Variants in AGO2 observed in about 807,000 individuals in gnomAD.
AGO2 encodes the protein protein argonaute-2.
Under a neutral mutation model 102.3 loss-of-function variants are expected in AGO2, and 5 were observed. The observed-to-expected ratio is 0.05, with a 90% CI of 0.03 to 0.10. The LOEUF is 0.10. AGO2 is among the 10% of genes least tolerant of loss of function. The pLI, the probability that AGO2 is intolerant of heterozygous loss-of-function variation, is 1.00. For synonymous variants in AGO2, 449 were observed against 473.1 expected (o/e 0.95, Z 0.66); for missense variants, 541 against 1,183.7 (o/e 0.46, Z 7.97).
intron 2 of AGO2, among the ~76,000 whole-genome samples, chr8:140,574,813 C>CA (rs1374894938): frequency 2.0e-5 from 3 of 152,128 alleles, no homozygotes; most frequent in Admixed American, 6.6e-5. Context: ...GAGTCACTGA[C>CA]AGACTTCTGA....
Position 140,589,127 on chromosome 8 carries a change from G to A in AGO2, c.23-3816C>T, listed in dbSNP as rs911329915. 6.6e-6 allele frequency among the ~76,000 whole-genome samples: 1 copy of A among 152,186 alleles called. No individual in the cohort carries two copies. The highest frequency in any genetic ancestry group is 2.4e-5 in the African/African-American group (1 of 41,444). On this transcript the variant is annotated intron_variant, in intron 1 of 18. Coordinates refer to ENST00000220592, the MANE Select transcript of AGO2 (RefSeq NM_012154.5). This position sits in a 1 kb window ranked among gnomAD's most constrained non-coding sequence, Gnocchi z 4.2. Reference sequence around the variant, plus strand: ...CTCCTTTCGGAGTTGGCTCCTCCCCGACTTTTCAGGGAGGGATGTGGAGCA... The same window carrying A: ...CTCCTTTCGGAGTTGGCTCCTCCCCAACTTTTCAGGGAGGGATGTGGAGCA...
chr8:140,589,087 G>A lies in AGO2; in HGVS notation c.23-3776C>T, dbSNP rs2073708022. Among the ~76,000 whole-genome samples the A allele has an allele frequency of 6.6e-6, 1 of 152,226 alleles. No individual in the cohort carries two copies. Among genetic ancestry groups the A allele is most frequent in the Non-Finnish European group, 1.5e-5 (1 of 68,036 alleles). ...AGGCGAGCCTCCTGCAGGAGCAGGCGGTCCCCTGAAGAAACTCCTTTCGGA... is the reference window on the plus strand; with the variant it reads ...AGGCGAGCCTCCTGCAGGAGCAGGCAGTCCCCTGAAGAAACTCCTTTCGGA... On this transcript the variant is annotated intron_variant, in intron 1 of 18. Coordinates refer to ENST00000220592, the MANE Select transcript of AGO2 (RefSeq NM_012154.5). This position sits in a 1 kb window ranked among gnomAD's most constrained non-coding sequence, Gnocchi z 4.2.
intron 1 of AGO2, among the ~76,000 whole-genome samples, chr8:140,633,699 G>A (rs1205845315): frequency 6.6e-6 from 1 of 152,164 alleles, no homozygotes; most frequent in African/African-American, 2.4e-5. Context: ...TGGGTTATAG[G>A]GCTTGAAAGG....
chr8:140,532,991 CCT>C (rs2072625688), intron 17 of AGO2, among the ~76,000 whole-genome samples: 2 of 139,420 alleles, frequency 1.4e-5, no homozygotes, highest in Admixed American at 7.3e-5. Context: ...GAGAGAGACT[CCT>C]CTGTCTCAAA....
At chr8:140,631,456 C>T (rs999201029) in intron 1 of AGO2, among the ~76,000 whole-genome samples, 6 of 151,786 alleles carry the variant, frequency 4.0e-5, no homozygotes, top group Admixed American at 2.0e-4. Context: ...ATCGCTTGAA[C>T]CCGGGAGGAG....
chr8:140,541,606 A>G, intron 14 of AGO2: 1 of 420,110 alleles, frequency 2.4e-6, no homozygotes, highest in Non-Finnish European at 4.2e-6. Context: ...AAAACAAAAC[A>G]AAACAAAACA....
intron 1 of AGO2, among the ~76,000 whole-genome samples, chr8:140,628,264 A>G (rs2074299409): frequency 6.6e-6 from 1 of 152,228 alleles, no homozygotes. Context: ...TGGGGCTGCC[A>G]GATGCACTGC....
chr8:140,576,235 AC>A (rs1477007589), intron 2 of AGO2, among the ~76,000 whole-genome samples: 2 of 152,106 alleles, frequency 1.3e-5, no homozygotes, highest in African/African-American at 4.8e-5. Context: ...AATCGTTTGA[AC>A]CCAGGAGGCA....
At chr8:140,552,740 G>GTGCGCACACACA (rs1691488663) in intron 10 of AGO2, among the ~76,000 whole-genome samples, 2 of 130,886 alleles carry the variant, frequency 1.5e-5, no homozygotes, top group African/African-American at 6.1e-5. Context: ...GCGCGCGCGC[G>GTGCGCACACACA]CACACACACA....
intron 2 of AGO2, among the ~76,000 whole-genome samples, chr8:140,576,593 T>C (rs1231625468): frequency 1.3e-5 from 2 of 152,084 alleles, no homozygotes; most frequent in Non-Finnish European, 2.9e-5. Context: ...GCAGAAAGGC[T>C]AAAATCAGAC....
At chr8:140,606,098 G>C (rs895343426) in intron 1 of AGO2, among the ~76,000 whole-genome samples, 3 of 152,172 alleles carry the variant, frequency 2.0e-5, no homozygotes, top group Non-Finnish European at 4.4e-5. Context: ...AACTTAGAAA[G>C]GTCTACTATA....
chr8:140,609,946 C>A (rs1004558281), intron 1 of AGO2, among the ~76,000 whole-genome samples: 2 of 150,132 alleles, frequency 1.3e-5, no homozygotes, highest in Non-Finnish European at 2.9e-5. Flanking sequence ...ATAATCCCAG[C>A]ACGGTGGGAG....
intron 10 of AGO2, among the ~76,000 whole-genome samples, chr8:140,554,950 A>G (rs2073070096): frequency 6.6e-6 from 1 of 152,234 alleles, no homozygotes; most frequent in South Asian, 2.1e-4. Flanking sequence ...TGCTGGGATT[A>G]CAGATGTGAA....
intron 1 of AGO2, among the ~76,000 whole-genome samples, chr8:140,625,328 A>G (rs1001068095): frequency 6.6e-6 from 1 of 151,420 alleles, no homozygotes; most frequent in Non-Finnish European, 1.5e-5. Context: ...CTGGCCTCAA[A>G]CTCCTGACCT....
rs529830997 is a variant in AGO2, at chr8:140,567,831, A to T, written c.336+4981T>A. 3.9e-5 allele frequency among the ~76,000 whole-genome samples: 6 copies of T among 152,202 alleles called. No individual in the cohort carries two copies. Among genetic ancestry groups the T allele is most frequent in the Admixed American group, 3.9e-4 (6 of 15,286 alleles). ...AGCAACAAAGGGAAAACAGCACTCT[A>T]AAGAATGCAAAGAGGCCAGCCTGGG... On this transcript the variant is annotated intron_variant, in intron 3 of 18. Transcript: ENST00000220592. This position sits in a 1 kb window ranked among gnomAD's most constrained non-coding sequence, Gnocchi z 5.0.
At chr8:140,611,843 G>A (rs553891743) in intron 1 of AGO2, among the ~76,000 whole-genome samples, 27 of 152,272 alleles carry the variant, frequency 1.8e-4, no homozygotes, top group African/African-American at 5.8e-4. Flanking sequence ...TGTTGCAATC[G>A]TAAAATTCAA....
chr8:140,607,197 C>T (rs542322167), intron 1 of AGO2, among the ~76,000 whole-genome samples: 10 of 151,342 alleles, frequency 6.6e-5, no homozygotes, highest in East Asian at 1.9e-4. Flanking sequence ...TGCAGTGACC[C>T]GAGATCATGT....
intron 1 of AGO2, among the ~76,000 whole-genome samples, chr8:140,594,834 T>TGTGTGTGTGTGTGTGC (rs1335528708): frequency 6.6e-6 from 1 of 151,616 alleles, no homozygotes; most frequent in Admixed American, 6.6e-5. Flanking sequence ...ACTGTGTGTG[T>TGTGTGTGTGTGTGTGC]GTGTGTGTGT....
intron 1 of AGO2, among the ~76,000 whole-genome samples, chr8:140,601,473 C>G (rs141380041): frequency 1.3e-3 from 198 of 152,362 alleles, no homozygotes; most frequent in Non-Finnish European, 2.4e-3. Context: ...TTTCTGCCCC[C>G]CTGGTCTACC....
Sources: allele counts gnomAD v4.1 joint callset (sites outside exome capture counted in the v4.1 genomes callset), GRCh38; gene constraint gnomAD v4.1.1; non-coding constraint Gnocchi (gnomAD v3.1); transcripts MANE v1.5; gene names NCBI Gene and HGNC (gene_info 2026-07-23, HGNC 2026-07-21).